LMLN: variants seen among roughly 807,000 people sequenced by gnomAD.
LMLN encodes leishmanolysin like peptidase.
In LMLN, 70 loss-of-function variants were observed where a neutral mutation model predicts 92.3. The ratio of observed to expected loss-of-function variants is 0.76; its 90% CI spans 0.63 to 0.92. The LOEUF (loss-of-function observed/expected upper bound fraction) is 0.92. LMLN is among the 40% of genes least tolerant of loss of function. The probability of loss-of-function intolerance (pLI) is 0.00; values close to 1 mark genes in which losing one functional copy is unlikely to be tolerated. For missense variants in LMLN, 691 were observed against 814.6 expected (o/e 0.85, Z 1.85); for synonymous variants, 308 against 296.2 (o/e 1.04, Z -0.41).
intron 8 of LMLN, among the ~76,000 whole-genome samples, chr3:197,988,926 G>GC (rs955694414): frequency 2.6e-5 from 4 of 152,014 alleles, no homozygotes; most frequent in African/African-American, 9.7e-5. Flanking sequence ...CTAGTGATTC[G>GC]CCCATCTCGG....
At chr3:198,009,894 C>G (rs1722387999) in intron 11 of LMLN, among the ~76,000 whole-genome samples, 1 of 152,102 alleles carries the variant, frequency 6.6e-6, no homozygotes, top group Non-Finnish European at 1.5e-5. Context: ...TAGGCATACA[C>G]TGTGAAATAA....
At chr3:197,979,584 G>A (rs1037693645) in intron 5 of LMLN, among the ~76,000 whole-genome samples, 3 of 152,152 alleles carry the variant, frequency 2.0e-5, no homozygotes, top group Non-Finnish European at 2.9e-5. Context: ...TTGGGAGGCC[G>A]AGACAGGCCG....
At chr3:197,983,946 A>G in exon 7 of LMLN, 2 of 1,602,300 alleles carry the variant, frequency 1.2e-6, no homozygotes, top group Non-Finnish European at 1.7e-6. Flanking sequence ...TTGACAGGCC[A>G]ATAGCAGGAT....
intron 11 of LMLN, among the ~76,000 whole-genome samples, chr3:198,011,809 C>G (rs188102617): frequency 5.3e-5 from 8 of 152,064 alleles, no homozygotes; most frequent in Non-Finnish European, 1.0e-4. Flanking sequence ...TTTTAATGAT[C>G]GCCATTCTAA....
intron 9 of LMLN, among the ~76,000 whole-genome samples, chr3:197,993,458 A>G (rs963247313): frequency 2.0e-5 from 3 of 152,296 alleles, no homozygotes; most frequent in Non-Finnish European, 4.4e-5. Context: ...ATATACTAAC[A>G]GAAAACTACC....
intron 1 of LMLN, among the ~76,000 whole-genome samples, chr3:197,966,766 A>G (rs546716299): frequency 2.0e-5 from 3 of 152,106 alleles, no homozygotes; most frequent in Non-Finnish European, 4.4e-5. Flanking sequence ...TGAGTTGCTC[A>G]TATTTTGTTG....
chr3:197,966,907 C>T (rs1361976544), intron 1 of LMLN, among the ~76,000 whole-genome samples: 1 of 152,124 alleles, frequency 6.6e-6, no homozygotes, highest in African/African-American at 2.4e-5. Flanking sequence ...AGTCCTCCTG[C>T]CTCAGCCTCC....
intron 10 of LMLN, among the ~76,000 whole-genome samples, chr3:197,997,589 C>T (rs1301898771): frequency 2.0e-5 from 3 of 152,170 alleles, no homozygotes; most frequent in Non-Finnish European, 4.4e-5. Context: ...CTGGCTACAC[C>T]GAGCAGCACA....
chr3:197,969,894 A>G lies in LMLN; in HGVS notation c.220-4483A>G, dbSNP rs1721175929. The stretch of plus-strand genomic sequence containing the variant: ...CACAGTGGCTCATGCTTGTAATCCC[A>G]GCACTTTGGGAGGCCGAGGCTGGCG... On this transcript the variant is annotated intron_variant, in intron 1 of 15. Coordinates refer to ENST00000330198, the Ensembl canonical transcript of LMLN. 2.6e-5 allele frequency among the ~76,000 whole-genome samples: 4 copies of G among 152,216 alleles called. No homozygotes were observed. In the South Asian group the frequency reaches 8.3e-4, roughly 32 times the overall value.
chr3:197,960,559 C>T, intron 1 of LMLN, 119 bp downstream of exon 1: 3 of 912,848 alleles, frequency 3.3e-6, no homozygotes, highest in Non-Finnish European at 4.8e-6. Context: ...TGGGGCAGAG[C>T]CTGACTCTTA....
At chr3:197,985,601 C>G (rs1721683561) in intron 7 of LMLN, 195 bp from the exon 8 acceptor site, 2 of 389,254 alleles carry the variant, frequency 5.1e-6, no homozygotes, top group Non-Finnish European at 9.2e-6. Flanking sequence ...ATATTTACCT[C>G]AAGTAATCAG....
chr3:198,001,175 T>C (rs997986872), intron 11 of LMLN, among the ~76,000 whole-genome samples: 6 of 152,232 alleles, frequency 3.9e-5, no homozygotes, highest in African/African-American at 1.4e-4. Context: ...TCCTTTGGAA[T>C]ATTCATCACA....
intron 11 of LMLN, among the ~76,000 whole-genome samples, chr3:198,006,445 T>A (rs1048009371): frequency 2.6e-5 from 4 of 152,234 alleles, no homozygotes; most frequent in Non-Finnish European, 4.4e-5. Context: ...AGGAATGCAG[T>A]TACTGGCTCA....
intron 5 of LMLN, among the ~76,000 whole-genome samples, chr3:197,977,254 G>T (rs1385530472): frequency 6.6e-6 from 1 of 152,196 alleles, no homozygotes; most frequent in Non-Finnish European, 1.5e-5. Context: ...GACTTGGAAA[G>T]ATGTTTAACC....
At chr3:197,998,901 C>T (rs898253527) in intron 10 of LMLN, among the ~76,000 whole-genome samples, 6 of 152,220 alleles carry the variant, frequency 3.9e-5, no homozygotes, top group African/African-American at 1.4e-4. Context: ...GCTATTCTCC[C>T]TGACCCCAAA....
chr3:198,024,304 C>T (rs1321120993), intron 13 of LMLN, among the ~76,000 whole-genome samples: 5 of 151,464 alleles, frequency 3.3e-5, no homozygotes, highest in Admixed American at 3.3e-4. Flanking sequence ...CAAGCTCCGC[C>T]TCCCGGGTTC....
At chr3:198,007,357 A>AG (rs1457475670) in intron 11 of LMLN, among the ~76,000 whole-genome samples, 1 of 152,198 alleles carries the variant, frequency 6.6e-6, no homozygotes, top group Non-Finnish European at 1.5e-5. Context: ...GTTTTGTATA[A>AG]GGTGGGAGAC....
At chr3:198,007,589 C>G (rs1377934598) in intron 11 of LMLN, among the ~76,000 whole-genome samples, 1 of 152,202 alleles carries the variant, frequency 6.6e-6, no homozygotes, top group Non-Finnish European at 1.5e-5. Flanking sequence ...TCCTTAATTA[C>G]TGTAATTATT....
At chr3:197,984,378 CAGAA>C (rs1560139232) in intron 7 of LMLN, among the ~76,000 whole-genome samples, 1 of 151,944 alleles carries the variant, frequency 6.6e-6, no homozygotes, top group African/African-American at 2.4e-5. Flanking sequence ...AACAAACAAA[CAGAA>C]AGATTTATAA....
Sources: gnomAD v4.1 joint callset for allele counts (sites outside exome capture counted in the v4.1 genomes callset) on GRCh38, gnomAD v4.1.1 for gene constraint, MANE v1.5 for transcripts, NCBI Gene and HGNC (gene_info 2026-07-23, HGNC 2026-07-21) for gene names.